Variants in BTAF1 observed in about 807,000 individuals in gnomAD.
BTAF1 encodes the protein TATA-binding protein-associated factor 172.
BTAF1 carries 38 observed loss-of-function variants against 227.1 expected under a neutral mutation model. That is an observed-to-expected ratio of 0.17 (90% CI 0.13 to 0.22). BTAF1 has a LOEUF of 0.22. Ranked by LOEUF, BTAF1 falls within the 10% of genes least tolerant of loss-of-function variation. The pLI, the probability that BTAF1 is intolerant of heterozygous loss-of-function variation, is 1.00. For synonymous variants in BTAF1, 742 were observed against 751.9 expected, an observed-to-expected ratio of 0.99 and a Z score of 0.21; for missense variants, 1,598 against 2,204.0, an observed-to-expected ratio of 0.73 and a Z score of 5.51.
chr10:91,996,346 T>C, intron 23 of BTAF1, 23 bp from the exon 24 acceptor site: 1 of 1,598,086 alleles, frequency 6.3e-7, no homozygotes, highest in Non-Finnish European at 8.6e-7. Context: ...TAATTCTAAT[T>C]GCCATTAACT....
chr10:92,031,048 A>G lies in BTAF1; in HGVS notation c.*2115A>G, dbSNP rs1026003968. ...TTCAATGTATGGGTGTGGGAAGTCA[A>G]ACAAGCATGATAGAATGTTAACTAT... On this transcript the variant is annotated 3_prime_UTR_variant, in exon 38 of 38. Transcript: ENST00000265990. 1.3e-5 allele frequency among the ~76,000 whole-genome samples: 2 copies of G among 152,212 alleles called. No individual in the cohort carries two copies. The highest frequency in any genetic ancestry group is 1.3e-4 in the Admixed American group (2 of 15,282).
At chr10:91,934,069 G>A (rs1034474872) in intron 1 of BTAF1, among the ~76,000 whole-genome samples, 4 of 152,180 alleles carry the variant, frequency 2.6e-5, no homozygotes, top group African/African-American at 4.8e-5. Context: ...CCTTGAATGA[G>A]GAAGGAGAAA....
intron 1 of BTAF1, among the ~76,000 whole-genome samples, chr10:91,928,903 C>T (rs934291654): frequency 4.6e-5 from 7 of 152,096 alleles, no homozygotes; most frequent in Admixed American, 2.6e-4. Flanking sequence ...GGCACAATCA[C>T]GGCCTCAAGT....
At chr10:92,022,196 T>A (rs1176151835) in intron 34 of BTAF1, among the ~76,000 whole-genome samples, 2 of 152,228 alleles carry the variant, frequency 1.3e-5, no homozygotes, top group Non-Finnish European at 2.9e-5. Flanking sequence ...ACATATTCAG[T>A]AGGATAGCTG....
In BTAF1 at chr10:91,992,317, G is replaced by GT. The variant is rs112721454; in HGVS notation, c.3045+23dup. 0.13 allele frequency: 176,898 copies of GT among 1,336,752 alleles called. 1 individual carries two copies. Among genetic ancestry groups the GT allele is most frequent in the South Asian group, 0.21 (13,270 of 64,366 alleles). 82.8% of individuals were successfully genotyped at this position (1,336,752 alleles called of 1,614,324 possible). A position where few individuals can be genotyped will look rare whatever the true frequency, so the allele number is the denominator to read the frequency against. On this transcript the variant is annotated intron_variant, in intron 21 of 37. Coordinates refer to ENST00000265990, the MANE Select transcript of BTAF1 (RefSeq NM_003972.3). ...CTTGTTGAACTTGATGAGGTAAGTA[G>GT]TTTTTTTTTTTTTTTAATGCTTTGA...
chr10:91,937,585 CAAAAT>C (rs1407171706), intron 2 of BTAF1, among the ~76,000 whole-genome samples: 2 of 152,056 alleles, frequency 1.3e-5, no homozygotes, highest in Admixed American at 1.3e-4. Flanking sequence ...TTCTTTTGCT[CAAAAT>C]AATGTTTTTA....
intron 26 of BTAF1, 116 bp from the exon 27 acceptor site, chr10:92,008,713 C>T (rs529931726): frequency 9.9e-7 from 1 of 1,015,134 alleles, no homozygotes; most frequent in Non-Finnish European, 1.4e-6. Context: ...CCATTTATTT[C>T]TCTTTTGCAT....
In BTAF1 at chr10:91,940,039, T is replaced by A; in HGVS notation, c.226T>A (p.Trp76Arg). The A allele has an allele frequency of 6.2e-7, 1 of 1,612,252 alleles. No homozygotes were observed. The highest frequency in any genetic ancestry group is 1.1e-5 in the South Asian group (1 of 90,830). Reference protein sequence around the residue: ...VEAIVKNVPEWNPVPRTRQEP... With the variant: ...VEAIVKNVPERNPVPRTRQEP... ...AGCTATAGTGAAAAATGTACCTGAG[T>A]GGAATCCAGTGCCGAGAACCAGACA... is the stretch of plus-strand genomic sequence containing the variant. Residue 76 changes from tryptophan to arginine, a missense_variant, in exon 3 of 38, where the codon TGG becomes AGG. This residue lies in a region of BTAF1 where 298 missense variants were observed against 395.2 expected (regional missense o/e 0.75). Transcript: ENST00000265990.
chr10:91,965,720 T>C (rs1442995822), intron 13 of BTAF1, among the ~76,000 whole-genome samples: 1 of 152,224 alleles, frequency 6.6e-6, no homozygotes, highest in Non-Finnish European at 1.5e-5. Flanking sequence ...GACTTTGTTA[T>C]AATGCTTTTA....
rs137858474 is a variant in BTAF1, at chr10:91,951,196, A to T, written c.401-207A>T. 1.2e-4 allele frequency among the ~76,000 whole-genome samples: 18 copies of T among 152,238 alleles called. No individual in the cohort carries two copies. In the East Asian group the frequency reaches 3.5e-3, roughly 29 times the overall value. On this transcript the variant is annotated intron_variant, in intron 4 of 37. Transcript: ENST00000265990. ...TGGGGAATGCGGGAATCTCAGTGAA[A>T]ACTCCCAGAATGTTTTGTTAACTAG...
intron 4 of BTAF1, among the ~76,000 whole-genome samples, chr10:91,945,657 G>A (rs2133833276): frequency 6.6e-6 from 1 of 152,316 alleles, no homozygotes; most frequent in South Asian, 2.1e-4. Context: ...TCCATTGTAT[G>A]TATATAAATT....
In BTAF1 at chr10:91,942,365, T is replaced by C. The variant is rs1845074814; in HGVS notation, c.254-57T>C. 7 of 1,492,750 alleles carry C rather than the reference T, an allele frequency of 4.7e-6. No individual in the cohort carries two copies. The African/African-American group carries it at 6.9e-5, about 15-fold the overall frequency. The allele number at this position is 1,492,750 out of a possible 1,614,324, so 92.5% of individuals were successfully genotyped here. A position where few individuals can be genotyped will look rare whatever the true frequency, so the allele number is the denominator to read the frequency against. ...CAACCCAAGTAATGATATGCTATTT[T>C]CTTTCATTCCACACTTTGGCTATAT... On this transcript the variant is annotated intron_variant, in intron 3 of 37. Coordinates refer to ENST00000265990, the MANE Select transcript of BTAF1 (RefSeq NM_003972.3).
intron 4 of BTAF1, among the ~76,000 whole-genome samples, chr10:91,943,672 G>A (rs1423513858): frequency 6.6e-6 from 1 of 152,134 alleles, no homozygotes; most frequent in African/African-American, 2.4e-5. Flanking sequence ...TTTTGGAAAA[G>A]CATAGTTTTT....
chr10:91,976,407 C>G (rs373435268), intron 14 of BTAF1, among the ~76,000 whole-genome samples: 1 of 152,182 alleles, frequency 6.6e-6, no homozygotes, highest in South Asian at 2.1e-4. Flanking sequence ...TCTCCAACCC[C>G]TCTAGCTCTG....
chr10:91,994,674 T>A (rs763020006), intron 23 of BTAF1, 30 bp downstream of exon 23: 31 of 1,547,684 alleles, frequency 2.0e-5, no homozygotes, highest in Non-Finnish European at 2.6e-5. Flanking sequence ...GTAATATTTC[T>A]TCAAATAAAA....
At chr10:91,992,024 A>T in intron 20 of BTAF1, 95 bp from the exon 21 acceptor site, 1 of 1,054,924 alleles carries the variant, frequency 9.5e-7, no homozygotes, top group Non-Finnish European at 1.3e-6. Flanking sequence ...GGCCTAAAAG[A>T]CATAGTTTAA....
At chr10:91,928,373 T>C (rs1844014032) in intron 1 of BTAF1, among the ~76,000 whole-genome samples, 1 of 152,184 alleles carries the variant, frequency 6.6e-6, no homozygotes, top group African/African-American at 2.4e-5. Context: ...TGAAGTTCTC[T>C]GTCAAATCCA....
At position 91,979,568 on chromosome 10, in the gene BTAF1, A is replaced by C. The variant is rs189555170; in HGVS notation, c.1651-886A>C. ...CAGTTAAAATTTCCAAATTTCTCTT[A>C]AAAACACTGTATTTAGTGCTTAAAA... On this transcript the variant is annotated intron_variant, in intron 14 of 37. Coordinates refer to ENST00000265990, the MANE Select transcript of BTAF1 (RefSeq NM_003972.3). 2.0e-5 allele frequency among the ~76,000 whole-genome samples: 3 copies of C among 152,260 alleles called. No homozygotes were observed. In the East Asian group the frequency reaches 5.8e-4, roughly 29 times the overall value.
At chr10:91,991,797 G>GTGTGTGTGTATATATA (rs1554860529) in intron 20 of BTAF1, among the ~76,000 whole-genome samples, 1 of 10,008 alleles carries the variant, frequency 1.0e-4, no homozygotes, top group African/African-American at 1.8e-4. Context: ...GTGTGTGTGT[G>GTGTGTGTGTATATATA]TATATATATA....
Sources: gnomAD v4.1 joint callset for allele counts (sites outside exome capture counted in the v4.1 genomes callset) on GRCh38, gnomAD v4.1.1 for gene constraint, gnomAD v4.1.1 regional missense constraint, MANE v1.5 for transcripts, NCBI Gene and HGNC (gene_info 2026-07-23, HGNC 2026-07-21) for gene names.